Variants in SYT1 observed in about 807,000 individuals in gnomAD.
SYT1 encodes the protein synaptotagmin-1.
Under a neutral mutation model 44.8 loss-of-function variants are expected in SYT1, and 8 were observed. The observed-to-expected ratio is 0.18, with a 90% confidence interval of 0.10 to 0.32. SYT1 has a LOEUF of 0.32. SYT1 is among the 10% of genes least tolerant of loss of function. The pLI is 1.00. For missense variants in SYT1, 286 were observed against 509.3 expected (o/e 0.56, Z 4.22); for synonymous variants, 154 against 188.8 (o/e 0.82, Z 1.51).
intron 9 of SYT1, among the ~76,000 whole-genome samples, chr12:79,390,800 A>T (rs994139953): frequency 1.3e-5 from 2 of 152,040 alleles, no homozygotes; most frequent in African/African-American, 4.8e-5. Flanking sequence ...CATTGGCTTA[A>T]TTTTCATGTG....
intron 4 of SYT1, among the ~76,000 whole-genome samples, chr12:79,237,804 T>C (rs983596226): frequency 1.3e-5 from 2 of 152,214 alleles, no homozygotes; most frequent in African/African-American, 4.8e-5. Context: ...ATCATCTGTA[T>C]ATTGAATTAT....
chr12:79,324,245 T>C (rs891677347), intron 8 of SYT1, among the ~76,000 whole-genome samples: 1 of 152,168 alleles, frequency 6.6e-6, no homozygotes, highest in South Asian at 2.1e-4. Context: ...CCACCGCGCC[T>C]GGCCTGTTTC....
At chr12:79,164,693 C>G (rs1049437063) in intron 3 of SYT1, among the ~76,000 whole-genome samples, 2 of 151,956 alleles carry the variant, frequency 1.3e-5, no homozygotes, top group Non-Finnish European at 2.9e-5. Context: ...AGAGGCTGTG[C>G]AGTAACAGGC....
chr12:78,870,048 A>C (rs1873739001), intron 1 of SYT1, among the ~76,000 whole-genome samples: 1 of 152,116 alleles, frequency 6.6e-6, no homozygotes. Context: ...CTGTTTGTAC[A>C]AAATGAGAGC....
intron 9 of SYT1, among the ~76,000 whole-genome samples, chr12:79,401,912 TC>T (rs1046626763): frequency 6.6e-6 from 1 of 152,102 alleles, no homozygotes; most frequent in Non-Finnish European, 1.5e-5. Context: ...CAAGCGATCC[TC>T]CCACCTTGAC....
At chr12:79,416,597 A>T (rs916771663) in intron 9 of SYT1, among the ~76,000 whole-genome samples, 4 of 152,162 alleles carry the variant, frequency 2.6e-5, no homozygotes, top group African/African-American at 4.8e-5. Context: ...AATATCTTTT[A>T]AAAAACTCAG....
intron 8 of SYT1, among the ~76,000 whole-genome samples, chr12:79,302,611 A>T (rs1453803561): frequency 1.3e-5 from 2 of 152,200 alleles, no homozygotes; most frequent in Admixed American, 6.5e-5. Flanking sequence ...AGGAAGAGCC[A>T]CAACAAAAGC....
chr12:78,978,485 T>C (rs1481057464), intron 2 of SYT1, among the ~76,000 whole-genome samples: 1 of 152,242 alleles, frequency 6.6e-6, no homozygotes, highest in East Asian at 1.9e-4. Flanking sequence ...CTGTGACTAT[T>C]ACATATGTTA....
chr12:79,180,802 G>A (rs909883442), intron 3 of SYT1, among the ~76,000 whole-genome samples: 3 of 151,928 alleles, frequency 2.0e-5, no homozygotes, highest in South Asian at 2.1e-4. Context: ...CACCTCCAAC[G>A]TTGGGTGATA....
intron 3 of SYT1, among the ~76,000 whole-genome samples, chr12:79,128,715 C>T (rs1308286370): frequency 1.3e-5 from 2 of 152,312 alleles, no homozygotes; most frequent in Non-Finnish European, 2.9e-5. Context: ...CACCATGGCA[C>T]GTGTATACCT....
At chr12:79,199,602 A>G (rs1873661562) in intron 3 of SYT1, among the ~76,000 whole-genome samples, 1 of 152,166 alleles carries the variant, frequency 6.6e-6, no homozygotes, top group African/African-American at 2.4e-5. Flanking sequence ...AAACCTAGAA[A>G]TGCATCCAAA....
chr12:79,334,455 C>A (rs1043462441), intron 8 of SYT1, among the ~76,000 whole-genome samples: 17 of 152,040 alleles, frequency 1.1e-4, no homozygotes, highest in Middle Eastern at 3.4e-3. Context: ...CAAACTTGAA[C>A]GAGAATGGTC....
Position 79,333,531 on chromosome 12 carries a change from C to CT in SYT1, c.811-19965dup, listed in dbSNP as rs559048066. On this transcript the variant is annotated intron_variant, in intron 8 of 10. Transcript: ENST00000261205. Reference sequence around the variant, plus strand: ...CTACTATGTCATCAAGTAATCAGGGCTTTTTTGCATTTTTACAAGGTTCAC... The same window carrying CT: ...CTACTATGTCATCAAGTAATCAGGGCTTTTTTTGCATTTTTACAAGGTTCAC... Among the ~76,000 whole-genome samples the CT allele has an allele frequency of 1.1e-4, 16 of 152,186 alleles. No homozygotes were observed. The East Asian group carries it at 2.9e-3, about 28-fold the overall frequency.
chr12:79,125,225 G>A (rs1868364621), intron 3 of SYT1, among the ~76,000 whole-genome samples: 1 of 152,050 alleles, frequency 6.6e-6, no homozygotes, highest in South Asian at 2.1e-4. Context: ...TAAAAACTGT[G>A]CAAATGGAAA....
intron 2 of SYT1, among the ~76,000 whole-genome samples, chr12:79,015,540 C>A (rs1202277088): frequency 6.6e-6 from 1 of 151,970 alleles, no homozygotes; most frequent in Non-Finnish European, 1.5e-5. Context: ...AGAATCAGAG[C>A]CTAAATAGCC....
At chr12:78,909,251 A>G (rs1164811302) in intron 1 of SYT1, among the ~76,000 whole-genome samples, 3 of 152,010 alleles carry the variant, frequency 2.0e-5, no homozygotes, top group Non-Finnish European at 4.4e-5. Flanking sequence ...TTATGAAATT[A>G]AAGTATGCTA....
intron 3 of SYT1, among the ~76,000 whole-genome samples, chr12:79,172,618 T>C (rs1308038078): frequency 6.6e-6 from 1 of 151,816 alleles, no homozygotes; most frequent in African/African-American, 2.4e-5. Context: ...TCTAATATGA[T>C]GGTATTTATA....
chr12:79,138,420 A>G (rs1003403592), intron 3 of SYT1, among the ~76,000 whole-genome samples: 1 of 152,242 alleles, frequency 6.6e-6, no homozygotes, highest in Non-Finnish European at 1.5e-5. Context: ...ATTTTGCTGC[A>G]TTTCCCAAAG....
intron 1 of SYT1, among the ~76,000 whole-genome samples, chr12:78,974,606 T>C (rs1868676526): frequency 6.6e-6 from 1 of 151,702 alleles, no homozygotes; most frequent in Non-Finnish European, 1.5e-5. Context: ...CCGGCTAATT[T>C]TTTGCATTTT....
Sources: gnomAD v4.1 joint callset for allele counts (sites outside exome capture counted in the v4.1 genomes callset) on GRCh38, gnomAD v4.1.1 for gene constraint, MANE v1.5 for transcripts, NCBI Gene and HGNC (gene_info 2026-07-23, HGNC 2026-07-21) for gene names.